DSE: variants seen among roughly 807,000 people sequenced by gnomAD.
The protein encoded by DSE is dermatan sulfate epimerase.
DSE carries 36 observed loss-of-function variants against 84.4 expected under a neutral mutation model. The ratio of observed to expected loss-of-function variants is 0.43; its 90% confidence interval spans 0.33 to 0.56. The LOEUF (loss-of-function observed/expected upper bound fraction) is 0.56, where lower values mean the gene tolerates loss of function less well. Among genes scored for constraint, DSE ranks in the 20% least tolerant of loss-of-function variants. DSE has a pLI of 0.06. For missense variants in DSE, 862 were observed against 1,169.6 expected, an observed-to-expected ratio of 0.74 and a Z score of 3.84; for synonymous variants, 410 against 430.1, an observed-to-expected ratio of 0.95 and a Z score of 0.58.
At chr6:116,373,102 C>T (rs902188106) in intron 1 of DSE, among the ~76,000 whole-genome samples, 6 of 151,064 alleles carry the variant, frequency 4.0e-5, no homozygotes, top group Non-Finnish European at 8.8e-5. Flanking sequence ...CGCCTGTAAT[C>T]CCAGCACTTT....
chr6:116,418,956 C>T (rs540074608), intron 2 of DSE, among the ~76,000 whole-genome samples: 4 of 152,312 alleles, frequency 2.6e-5, no homozygotes, highest in Admixed American at 6.5e-5. Context: ...GGCTTGGGCA[C>T]ATAACATGTG....
At chr6:116,381,423 G>A (rs1748781432) in intron 1 of DSE, among the ~76,000 whole-genome samples, 1 of 152,138 alleles carries the variant, frequency 6.6e-6, no homozygotes, top group African/African-American at 2.4e-5. Flanking sequence ...GGGAAATACA[G>A]GCTCTTGAGT....
In DSE at chr6:116,291,267, T is replaced by G. The variant is rs534604012; in HGVS notation, c.-54+32300T>G. Among the ~76,000 whole-genome samples, 3 of 152,252 alleles carry G rather than the reference T, an allele frequency of 2.0e-5. No homozygotes were observed. The East Asian group carries it at 5.8e-4, about 29-fold the overall frequency. The stretch of plus-strand genomic sequence containing the variant: ...GAGTGTTGTTCCAGCAAGAGAGATG[T>G]GGACAAAGGGCTTTGGGTGCACAGA... On this transcript the variant is annotated intron_variant, in intron 2 of 3. Coordinates refer to the DSE transcript ENST00000430252.
rs1357476033 is a variant in DSE, at chr6:116,431,156, A to G, written c.873A>G (p.Lys291=). Residue 291 remains lysine, a synonymous_variant, in exon 4 of 6, where the codon AAA becomes AAG. Coordinates refer to ENST00000644252, the MANE Select transcript of DSE (RefSeq NM_013352.4). ...NINHFGHPWL[K]QHFAFMYRTI... is the part of the protein sequence containing the mutation. Reference sequence around the variant, plus strand: ...ACCACTTTGGCCATCCGTGGCTTAAACAACACTTTGCATTTATGTATAGAA... The same window carrying G: ...ACCACTTTGGCCATCCGTGGCTTAAGCAACACTTTGCATTTATGTATAGAA... 1 of 1,614,218 alleles carries G rather than the reference A, an allele frequency of 6.2e-7. No homozygotes were observed. The highest frequency in any genetic ancestry group is 1.7e-5 in the Admixed American group (1 of 60,034).
chr6:116,261,204 G>T (rs1048313236), intron 2 of DSE, among the ~76,000 whole-genome samples: 1 of 151,524 alleles, frequency 6.6e-6, no homozygotes, highest in East Asian at 1.9e-4. Flanking sequence ...CTGTGGTTAG[G>T]TGTATTCCTA....
At chr6:116,279,110 T>C in intron 2 of DSE, 1 of 1,614,120 alleles carries the variant, frequency 6.2e-7, no homozygotes, top group Non-Finnish European at 8.5e-7. Context: ...GCATTCACAG[T>C]GTCCAGTTCC....
At chr6:116,256,371 A>T (rs977103988) in intron 1 of DSE, 1 of 152,204 alleles carries the variant, frequency 6.6e-6, no homozygotes, top group Non-Finnish European at 1.5e-5. Context: ...ACAAACCTGA[A>T]CAGCATGTTG....
intron 2 of DSE, chr6:116,278,758 C>T: frequency 6.2e-7 from 1 of 1,614,110 alleles, no homozygotes; most frequent in Non-Finnish European, 8.5e-7. Flanking sequence ...ATGCCCCCTG[C>T]GCCATATAAT....
chr6:116,279,165 A>C, intron 2 of DSE: 1 of 1,613,546 alleles, frequency 6.2e-7, no homozygotes, highest in Non-Finnish European at 8.5e-7. Context: ...CCTCATGCAA[A>C]GGCCAGGGCC....
intron 1 of DSE, among the ~76,000 whole-genome samples, chr6:116,379,753 T>C (rs1355055537): frequency 6.6e-6 from 1 of 152,212 alleles, no homozygotes; most frequent in East Asian, 1.9e-4. Context: ...TTATTCTGTG[T>C]AAAATTTAAA....
At chr6:116,273,860 C>G (rs1460758212) in intron 2 of DSE, among the ~76,000 whole-genome samples, 1 of 135,478 alleles carries the variant, frequency 7.4e-6, no homozygotes, top group Non-Finnish European at 1.5e-5. Flanking sequence ...GAGACGAAGT[C>G]TCTCTTGTCC....
At chr6:116,368,371 C>T (rs1488993938), upstream of DSE, among the ~76,000 whole-genome samples, 1 of 152,124 alleles carries the variant, frequency 6.6e-6, no homozygotes, top group Non-Finnish European at 1.5e-5. Flanking sequence ...TAAATGATGG[C>T]ATGGCATACA....
chr6:116,336,905 ATAATT>A, intron 2 of DSE, among the ~76,000 whole-genome samples: 1 of 152,314 alleles, frequency 6.6e-6, no homozygotes, highest in East Asian at 1.9e-4. Flanking sequence ...TCATTAAATA[ATAATT>A]TTATTGTCAG....
chr6:116,346,387 C>T (rs1445481209), intron 2 of DSE, among the ~76,000 whole-genome samples: 2 of 152,058 alleles, frequency 1.3e-5, no homozygotes, highest in Admixed American at 6.6e-5. Context: ...ACTGGCAAAC[C>T]GAATCCAGCA....
chr6:116,258,125 T>C (rs1378093761), intron 1 of DSE, among the ~76,000 whole-genome samples: 1 of 152,072 alleles, frequency 6.6e-6, no homozygotes, highest in African/African-American at 2.4e-5. Context: ...TTCAAGCAGT[T>C]CTACCTCAGT....
At chr6:116,279,829 A>T in intron 2 of DSE, 1 of 1,613,036 alleles carries the variant, frequency 6.2e-7, no homozygotes. Context: ...CAGGCCGCTC[A>T]TGTTGCTAAC....
At position 116,436,233 on chromosome 6, in the gene DSE, A is replaced by C; in HGVS notation, c.1765A>C (p.Asn589His). 2 of 1,614,042 alleles carry C rather than the reference A, an allele frequency of 1.2e-6. No individual in the cohort carries two copies. The highest frequency in any genetic ancestry group is 1.7e-6 in the Non-Finnish European group (2 of 1,179,994). Residue 589 changes from asparagine to histidine, a missense_variant, in exon 6 of 6, where the codon AAT becomes CAT. Physicochemically the swap from Asn to His is moderately conservative, Grantham distance 68. This residue lies in a region of DSE where 186 missense variants were observed against 255.1 expected (regional missense o/e 0.73). Transcript: ENST00000644252. ...GGAGACAGCAGCGAGCTTCTTCCAT[A>C]ATGTGGATGTTCCTTTTGAGGAGAC... ...PLETAASFFHNVDVPFEETVV... is the reference protein window; with the variant it reads ...PLETAASFFHHVDVPFEETVV...
At chr6:116,386,242 A>T (rs1357056111) in intron 1 of DSE, among the ~76,000 whole-genome samples, 1 of 152,234 alleles carries the variant, frequency 6.6e-6, no homozygotes, top group Non-Finnish European at 1.5e-5. Context: ...TTATAATGGG[A>T]CAAAGTATTA....
At chr6:116,291,722 T>C (rs1307661988) in intron 2 of DSE, among the ~76,000 whole-genome samples, 1 of 151,990 alleles carries the variant, frequency 6.6e-6, no homozygotes, top group Non-Finnish European at 1.5e-5. Flanking sequence ...GGTTATATGA[T>C]TAAAGGCTGG....
Sources: allele counts gnomAD v4.1 joint callset (sites outside exome capture counted in the v4.1 genomes callset), GRCh38; gene constraint gnomAD v4.1.1; regional missense constraint gnomAD v4.1.1; transcripts MANE v1.5; gene names NCBI Gene and HGNC (gene_info 2026-07-23, HGNC 2026-07-21).